The following WDR19 variants were observed in gnomAD, a reference collection of about 807,000 sequenced individuals.
WDR19 encodes the protein WD repeat domain 19.
WDR19 carries 121 observed loss-of-function variants against 180.0 expected under a neutral mutation model. The observed-to-expected ratio is 0.67, with a 90% CI of 0.58 to 0.78. The LOEUF (loss-of-function observed/expected upper bound fraction) is 0.78, where lower values mean the gene tolerates loss of function less well. Among genes scored for constraint, WDR19 ranks in the 30% least tolerant of loss-of-function variants. The pLI is 0.00. For synonymous variants in WDR19, 497 were observed against 540.7 expected (o/e 0.92, Z 1.12); for missense variants, 1,450 against 1,640.7 (o/e 0.88, Z 2.01).
chr4:39,204,385 A>G (rs1422808858), intron 7 of WDR19, among the ~76,000 whole-genome samples: 7 of 152,164 alleles, frequency 4.6e-5, no homozygotes, highest in Non-Finnish European at 1.0e-4. Flanking sequence ...GCACCCGGCC[A>G]AAGTTGTAGC....
intron 13 of WDR19, among the ~76,000 whole-genome samples, chr4:39,217,618 G>A (rs184572288): frequency 3.3e-5 from 5 of 151,954 alleles, no homozygotes; most frequent in Admixed American, 6.6e-5. Context: ...CATTTTGTGT[G>A]GGGGGGTCTT....
intron 7 of WDR19, among the ~76,000 whole-genome samples, chr4:39,204,371 C>T (rs1405908572): frequency 2.0e-5 from 3 of 152,176 alleles, no homozygotes; most frequent in Non-Finnish European, 4.4e-5. Flanking sequence ...AGGCGTGAGC[C>T]ACCGCACCCG....
Position 39,244,477 on chromosome 4 carries a change from C to T in WDR19, c.2570C>T (p.Ser857Leu). 1 of 1,613,926 alleles carries T rather than the reference C, an allele frequency of 6.2e-7. No homozygotes were observed. The highest frequency in any genetic ancestry group is 8.5e-7 in the Non-Finnish European group (1 of 1,179,874). Residue 857 changes from serine to leucine, a missense_variant, in exon 23 of 37, where the codon TCA becomes TTA. By Grantham distance (145) the Ser-to-Leu change is moderately radical. Coordinates refer to ENST00000399820, the MANE Select transcript of WDR19 (RefSeq NM_025132.4). ...AATCCTGTCTTATTTTAGCAATTTT[C>T]AGAAGCGGCCCAACTGTATGAAAAA... ...GAILENMKQFSEAAQLYEKGL... is the reference protein window; with the variant it reads ...GAILENMKQFLEAAQLYEKGL...
chr4:39,189,840 T>G, intron 4 of WDR19, 59 bp downstream of exon 4: 1 of 1,524,542 alleles, frequency 6.6e-7, no homozygotes, highest in Non-Finnish European at 8.8e-7. Flanking sequence ...TTTGTAGGTT[T>G]GGTGCTAACA....
chr4:39,243,870 A>T (rs1732226072), intron 21 of WDR19, among the ~76,000 whole-genome samples: 1 of 152,212 alleles, frequency 6.6e-6, no homozygotes, highest in Non-Finnish European at 1.5e-5. Context: ...TTTATGTTTC[A>T]TCATGCCTCA....
chr4:39,277,933 AGTCC>A, intron 34 of WDR19, among the ~76,000 whole-genome samples, 194 bp from the exon 35 acceptor site: 1 of 152,250 alleles, frequency 6.6e-6, no homozygotes, highest in Non-Finnish European at 1.5e-5. Flanking sequence ...GCACGCCTGT[AGTCC>A]CAGGTGCTCA....
At chr4:39,222,572 AATTT>A (rs1560508470) in intron 14 of WDR19, among the ~76,000 whole-genome samples, 1 of 152,156 alleles carries the variant, frequency 6.6e-6, no homozygotes, top group Non-Finnish European at 1.5e-5. Context: ...CATTGAGTTA[AATTT>A]TGTTTATGCC....
At chr4:39,198,263 C>T (rs191851816) in intron 5 of WDR19, among the ~76,000 whole-genome samples, 12 of 152,236 alleles carry the variant, frequency 7.9e-5, no homozygotes, top group African/African-American at 2.9e-4. Context: ...ATTTACTTCT[C>T]TTAAGACATT....
chr4:39,279,056 C>A (rs1736198843), intron 36 of WDR19, among the ~76,000 whole-genome samples: 1 of 152,066 alleles, frequency 6.6e-6, no homozygotes, highest in East Asian at 1.9e-4. Flanking sequence ...CTTTTTCTTT[C>A]CAAGTCCCAT....
chr4:39,194,656 C>G lies in WDR19; in HGVS notation c.403C>G (p.Leu135Val). 6.3e-7 allele frequency: 1 copy of G among 1,599,002 alleles called. No individual in the cohort carries two copies. Among genetic ancestry groups the G allele is most frequent in the Non-Finnish European group, 8.6e-7 (1 of 1,168,046 alleles). Reference sequence around the variant, plus strand: ...TCAGACATCTCGAAAGATTCCTGTCCTTGGTAGGTGATAGCTGGAAACACT... The same window carrying G: ...TCAGACATCTCGAAAGATTCCTGTCGTTGGTAGGTGATAGCTGGAAACACT... ...NHQTSRKIPV[L>V]GKHTKRITCG... The change falls in exon 5 of 37, where the codon CTT (leucine) becomes GTT (valine). Residue 135 changes from leucine (L) to valine (V), a missense_variant. Coordinates refer to ENST00000399820, the MANE Select transcript of WDR19 (RefSeq NM_025132.4).
At chr4:39,245,293 C>A in intron 23 of WDR19, 76 bp from the exon 24 acceptor site, 1 of 1,237,070 alleles carries the variant, frequency 8.1e-7, no homozygotes, top group South Asian at 1.6e-5. Context: ...ATCCTAAAAC[C>A]TAACATTTGG....
chr4:39,270,940 G>C (rs1443624499), intron 31 of WDR19, among the ~76,000 whole-genome samples: 1 of 143,200 alleles, frequency 7.0e-6, no homozygotes, highest in African/African-American at 2.7e-5. Context: ...TGTCACCCAG[G>C]TTGGAGTGCA....
intron 35 of WDR19, 58 bp from the exon 36 acceptor site, chr4:39,278,481 C>T (rs1736132423): frequency 7.1e-7 from 1 of 1,400,132 alleles, no homozygotes; most frequent in Non-Finnish European, 9.9e-7. Context: ...TTAGAGTAAC[C>T]CAAAGCTAAA....
At chr4:39,281,215 G>GTGTGTGTGTGTGTGTGTGTA (rs1167602972) in intron 36 of WDR19, among the ~76,000 whole-genome samples, 5 of 110,136 alleles carry the variant, frequency 4.5e-5, no homozygotes, top group African/African-American at 1.7e-4. Flanking sequence ...ATGTGTGTGT[G>GTGTGTGTGTGTGTGTGTGTA]TATATATATA....
At chr4:39,190,628 T>G (rs1726055988) in intron 4 of WDR19, among the ~76,000 whole-genome samples, 1 of 152,178 alleles carries the variant, frequency 6.6e-6, no homozygotes, top group South Asian at 2.1e-4. Context: ...AGTTATTTAC[T>G]AAGGAATAAC....
intron 10 of WDR19, among the ~76,000 whole-genome samples, chr4:39,214,904 C>CT (rs1440739978): frequency 6.6e-6 from 1 of 152,018 alleles, no homozygotes; most frequent in Non-Finnish European, 1.5e-5. Context: ...TCCCAAGTAG[C>CT]TGGGATTACA....
At chr4:39,183,155 A>G (rs2109733134) in intron 1 of WDR19, among the ~76,000 whole-genome samples, 1 of 150,704 alleles carries the variant, frequency 6.6e-6, no homozygotes, top group Admixed American at 6.6e-5. Flanking sequence ...CATCCTCTGC[A>G]CGCACGGTTT....
intron 18 of WDR19, 90 bp downstream of exon 18, chr4:39,232,046 T>G: frequency 6.5e-7 from 1 of 1,543,416 alleles, no homozygotes; most frequent in East Asian, 2.3e-5. Context: ...TAATCTTACC[T>G]CTTAAACAAG....
chr4:39,183,134 C>T (rs568033240), intron 1 of WDR19, among the ~76,000 whole-genome samples: 1 of 152,150 alleles, frequency 6.6e-6, no homozygotes, highest in South Asian at 2.1e-4. Context: ...AGGTCTCACG[C>T]TCATGTGCCT....
Sources: gnomAD v4.1 joint callset for allele counts (sites outside exome capture counted in the v4.1 genomes callset) on GRCh38, gnomAD v4.1.1 for gene constraint, MANE v1.5 for transcripts, NCBI Gene and HGNC (gene_info 2026-07-23, HGNC 2026-07-21) for gene names.